Variants in POU2F2 observed in about 807,000 individuals in gnomAD.
POU2F2 encodes the protein POU class 2 homeobox 2.
A neutral mutation model predicts 63.5 loss-of-function variants in POU2F2; 14 were observed. The observed-to-expected ratio is 0.22, with a 90% confidence interval of 0.15 to 0.34. POU2F2 has a LOEUF of 0.34. Ranked by LOEUF, POU2F2 falls within the 10% of genes least tolerant of loss-of-function variation. POU2F2 has a pLI of 1.00. For synonymous variants in POU2F2, 306 were observed against 348.6 expected, an observed-to-expected ratio of 0.88 and a Z score of 1.36; for missense variants, 607 against 815.2, an observed-to-expected ratio of 0.74 and a Z score of 3.11.
At chr19:42,158,237 C>T (rs139061231) in intron 2 of POU2F2, among the ~76,000 whole-genome samples, 1 of 152,218 alleles carries the variant, frequency 6.6e-6, no homozygotes, top group Non-Finnish European at 1.5e-5. Context: ...ATAATCATCT[C>T]TAGTTTCTAT....
At chr19:42,161,819 C>G (rs935273652) in intron 1 of POU2F2, among the ~76,000 whole-genome samples, 3 of 152,144 alleles carry the variant, frequency 2.0e-5, no homozygotes, top group Non-Finnish European at 4.4e-5. Context: ...TTGCTCCCCG[C>G]TCAGGGGCTG....
chr19:42,111,105 C>A (rs2031015007), intron 5 of POU2F2, among the ~76,000 whole-genome samples: 1 of 152,042 alleles, frequency 6.6e-6, no homozygotes, highest in African/African-American at 2.4e-5. Flanking sequence ...ATCTATCCTT[C>A]TTTCCTTTTC....
intron 2 of POU2F2, among the ~76,000 whole-genome samples, chr19:42,157,816 G>A (rs2058661702): frequency 6.6e-6 from 1 of 152,210 alleles, no homozygotes; most frequent in Admixed American, 6.5e-5. Flanking sequence ...AGAGTGGAGA[G>A]AAGGCCCTGC....
At position 42,117,200 on chromosome 19, in the gene POU2F2, G is replaced by T; in HGVS notation, c.369+50C>A. The T allele has an allele frequency of 7.4e-7, 1 of 1,358,622 alleles. No individual in the cohort carries two copies. Among genetic ancestry groups the T allele is most frequent in the Non-Finnish European group, 9.9e-7 (1 of 1,014,276 alleles). 84.2% of individuals were successfully genotyped at this position (1,358,622 alleles called of 1,614,324 possible). ...TTCATCCACTAGCCCTGTAACAGAT[G>T]AGGGGTGGCTGGTTTGTCCCCTCGT... On this transcript the variant is annotated intron_variant, in intron 5 of 14. Coordinates refer to ENST00000692977, the MANE Select transcript of POU2F2 (RefSeq NM_001394376.1). The surrounding 1 kb of genome is among the most constrained non-coding windows in gnomAD (Gnocchi z 4.4).
chr19:42,178,541 AAG>A (rs1442567728), upstream of POU2F2, among the ~76,000 whole-genome samples: 1 of 150,012 alleles, frequency 6.7e-6, no homozygotes. Context: ...GAGATTAAGA[AAG>A]AGCCGTTGAA....
intron 1 of POU2F2, among the ~76,000 whole-genome samples, chr19:42,175,538 A>G (rs1352887761): frequency 6.6e-6 from 1 of 152,158 alleles, no homozygotes; most frequent in East Asian, 1.9e-4. Flanking sequence ...AGGGAGGTAG[A>G]AAAAGAAAAA....
intron 2 of POU2F2, among the ~76,000 whole-genome samples, chr19:42,159,725 G>A (rs952729161): frequency 5.3e-5 from 8 of 152,290 alleles, no homozygotes; most frequent in African/African-American, 9.6e-5. Context: ...TCAGGGGAAC[G>A]CTTCCAGCCA....
chr19:42,124,132 C>A (rs185539568), intron 1 of POU2F2, among the ~76,000 whole-genome samples: 10 of 151,934 alleles, frequency 6.6e-5, no homozygotes, highest in Middle Eastern at 3.4e-3. Flanking sequence ...GGAGAAACCC[C>A]ATCTCTACTA....
intron 1 of POU2F2, among the ~76,000 whole-genome samples, chr19:42,167,538 T>G (rs1046963736): frequency 6.6e-6 from 1 of 151,970 alleles, no homozygotes; most frequent in Non-Finnish European, 1.5e-5. Flanking sequence ...ACAGCTTTCC[T>G]GGCAAAGGAA....
At chr19:42,142,725 G>C (rs1009152387) in intron 2 of POU2F2, among the ~76,000 whole-genome samples, 2 of 151,972 alleles carry the variant, frequency 1.3e-5, no homozygotes, top group African/African-American at 2.4e-5. Context: ...ACCACACCCA[G>C]CTAAGTTTTG....
At position 42,195,110 on chromosome 19, in the gene POU2F2, G is replaced by A. The variant is rs1453132777; in HGVS notation, c.-70+1273C>T. Among the ~76,000 whole-genome samples the A allele has an allele frequency of 2.8e-5, 3 of 106,714 alleles. No homozygotes were observed. In the East Asian group the frequency reaches 1.0e-3, roughly 35 times the overall value. 70.0% of individuals were successfully genotyped at this position (106,714 alleles called of 152,430 possible). A position where few individuals can be genotyped will look rare whatever the true frequency, so the allele number is the denominator to read the frequency against. ...GGAAGGGAGGAAGGAAGGGAGGGAG[G>A]GAGGGAGGAACGAAGAGAGGGAGGA... is the stretch of plus-strand genomic sequence containing the variant. On this transcript the variant is annotated intron_variant, in intron 1 of 5. Coordinates refer to the POU2F2 transcript ENST00000532176.
At chr19:42,125,182 A>G (rs1235276933) in intron 1 of POU2F2, among the ~76,000 whole-genome samples, 1 of 152,016 alleles carries the variant, frequency 6.6e-6, no homozygotes, top group Non-Finnish European at 1.5e-5. Context: ...ACATAGTGAA[A>G]TCCCCGTCTC....
chr19:42,141,659 T>C (rs2034130648), intron 2 of POU2F2, among the ~76,000 whole-genome samples: 2 of 152,082 alleles, frequency 1.3e-5, no homozygotes, highest in South Asian at 4.2e-4. Flanking sequence ...TTTTGTATTT[T>C]AGTAGAGACG....
At chr19:42,179,144 TG>T (rs1348347742), upstream of POU2F2, among the ~76,000 whole-genome samples, 5 of 150,996 alleles carry the variant, frequency 3.3e-5, no homozygotes, top group African/African-American at 1.2e-4. Context: ...AGGGACAGGC[TG>T]GGGTGAAAGC....
At chr19:42,129,373 G>T (rs979687719) in intron 1 of POU2F2, among the ~76,000 whole-genome samples, 6 of 151,960 alleles carry the variant, frequency 3.9e-5, no homozygotes, top group African/African-American at 1.5e-4. Flanking sequence ...CCTCAACCAG[G>T]GCTGCCCAGC....
At chr19:42,189,147 G>A (rs1172116834) in intron 1 of POU2F2, among the ~76,000 whole-genome samples, 2 of 152,180 alleles carry the variant, frequency 1.3e-5, no homozygotes, top group African/African-American at 4.8e-5. Context: ...GCCGGGGCTG[G>A]TAAGCAGGAA....
intron 5 of POU2F2, chr19:42,116,814 G>C: frequency 2.6e-6 from 1 of 384,970 alleles, no homozygotes; most frequent in Non-Finnish European, 5.2e-6. Context: ...AGGAGGCTGG[G>C]GGCTGTGAGG....
chr19:42,110,590 GC>G, intron 5 of POU2F2: 2 of 280,904 alleles, frequency 7.1e-6, no homozygotes, highest in Non-Finnish European at 1.5e-5. Flanking sequence ...TTCCCTCTGG[GC>G]CCCAGCCTCC....
intron 2 of POU2F2, among the ~76,000 whole-genome samples, chr19:42,145,700 C>T (rs952568243): frequency 6.6e-6 from 1 of 152,098 alleles, no homozygotes; most frequent in South Asian, 2.1e-4. Flanking sequence ...TCTGGGAGGC[C>T]AAGGCAGGTG....
Sources: allele counts gnomAD v4.1 joint callset (sites outside exome capture counted in the v4.1 genomes callset), GRCh38; gene constraint gnomAD v4.1.1; non-coding constraint Gnocchi (gnomAD v3.1); transcripts MANE v1.5; gene names NCBI Gene and HGNC (gene_info 2026-07-23, HGNC 2026-07-21).